Variants in STK3 observed in about 807,000 individuals in gnomAD.
The protein encoded by STK3 is serine/threonine kinase 3.
STK3 carries 41 observed loss-of-function variants against 58.0 expected under a neutral mutation model. That is an observed-to-expected ratio of 0.71 (90% confidence interval 0.55 to 0.92). The LOEUF (loss-of-function observed/expected upper bound fraction) is 0.92. Among genes scored for constraint, STK3 ranks in the 40% least tolerant of loss-of-function variants. The probability of loss-of-function intolerance (pLI) is 0.00; values close to 1 mark genes in which losing one functional copy is unlikely to be tolerated. For missense variants in STK3, 479 were observed against 602.7 expected (o/e 0.79, Z 2.15); for synonymous variants, 170 against 191.0 (o/e 0.89, Z 0.91).
chr8:98,547,530 G>T (rs976746293), intron 9 of STK3, among the ~76,000 whole-genome samples: 1 of 152,118 alleles, frequency 6.6e-6, no homozygotes, highest in African/African-American at 2.4e-5. Context: ...TCTTTCTAGT[G>T]CTTCTTATTT....
chr8:98,453,943 C>T (rs926029968), downstream of STK3, among the ~76,000 whole-genome samples: 1 of 152,184 alleles, frequency 6.6e-6, no homozygotes, highest in African/African-American at 2.4e-5. Flanking sequence ...CAACAGACTC[C>T]AGTATAGATT....
intron 1 of STK3, among the ~76,000 whole-genome samples, chr8:98,792,079 T>G (rs1166130280): frequency 6.6e-6 from 1 of 151,904 alleles, no homozygotes; most frequent in East Asian, 1.9e-4. Flanking sequence ...AGGACTAATA[T>G]CCAGAATCTA....
intron 1 of STK3, among the ~76,000 whole-genome samples, chr8:98,386,042 A>T (rs1390670983): frequency 1.3e-5 from 2 of 152,222 alleles, no homozygotes; most frequent in African/African-American, 4.8e-5. Context: ...CCATTTTTCA[A>T]GCAAAGCTCT....
At chr8:98,417,937 TCTCA>T (rs1818132499) in intron 3 of STK3, among the ~76,000 whole-genome samples, 1 of 152,214 alleles carries the variant, frequency 6.6e-6, no homozygotes, top group African/African-American at 2.4e-5. Flanking sequence ...AGAGACAGGG[TCTCA>T]CTCTGTTGCC....
intron 10 of STK3, among the ~76,000 whole-genome samples, chr8:98,484,757 A>T (rs1251171981): frequency 6.6e-6 from 1 of 152,198 alleles, no homozygotes; most frequent in East Asian, 1.9e-4. Flanking sequence ...AGAAAATATA[A>T]GATTTAAAAT....
At chr8:98,740,111 C>T (rs915955486) in intron 4 of STK3, among the ~76,000 whole-genome samples, 12 of 152,200 alleles carry the variant, frequency 7.9e-5, no homozygotes, top group African/African-American at 2.2e-4. Flanking sequence ...ACCAGATCTT[C>T]GTCTCACTGG....
intron 6 of STK3, among the ~76,000 whole-genome samples, chr8:98,614,578 G>T (rs1817501731): frequency 1.3e-5 from 2 of 152,034 alleles, no homozygotes; most frequent in Admixed American, 1.3e-4. Context: ...GTGCCAGACA[G>T]TGGGCGCAGG....
intron 10 of STK3, among the ~76,000 whole-genome samples, chr8:98,505,685 C>T (rs2131380723): frequency 6.6e-6 from 1 of 152,298 alleles, no homozygotes; most frequent in South Asian, 2.1e-4. Context: ...TGCTGGAGGA[C>T]CACTCCAGAC....
intron 10 of STK3, among the ~76,000 whole-genome samples, chr8:98,524,171 G>A (rs986755623): frequency 6.6e-6 from 1 of 152,166 alleles, no homozygotes; most frequent in Non-Finnish European, 1.5e-5. Context: ...CCATAGATGT[G>A]AAAAGTTTAC....
intron 9 of STK3, among the ~76,000 whole-genome samples, chr8:98,534,596 C>T (rs1426888078): frequency 6.6e-6 from 1 of 152,134 alleles, no homozygotes; most frequent in East Asian, 1.9e-4. Context: ...AAATCAACAA[C>T]AAAAATAGAA....
the STK3 span, among the ~76,000 whole-genome samples, chr8:98,357,836 T>TGAGACACATCCACCCCTTAA: frequency 2.6e-5 from 4 of 152,250 alleles, no homozygotes; most frequent in East Asian, 7.7e-4. Flanking sequence ...CATCAGACTT[T>TGAGACACATCCACCCCTTAA]GAGACACATC....
At chr8:98,413,794 G>C (rs1438981259) in intron 3 of STK3, 2 of 628,110 alleles carry the variant, frequency 3.2e-6, no homozygotes, top group African/African-American at 3.6e-5. Context: ...TCTTCTCCGA[G>C]GGTGGGGGCC....
At chr8:98,782,147 C>T (rs1384833394) in intron 1 of STK3, 1 of 227,402 alleles carries the variant, frequency 4.4e-6, no homozygotes, top group Non-Finnish European at 9.0e-6. Context: ...GCCATGCCAA[C>T]TCCTGTCAGC....
chr8:98,868,106 A>G (rs929482598), intron 3 of STK3, among the ~76,000 whole-genome samples: 2 of 152,182 alleles, frequency 1.3e-5, no homozygotes, highest in Admixed American at 1.3e-4. Context: ...CTGAAATACG[A>G]AAGGGAACAA....
the STK3 span, among the ~76,000 whole-genome samples, chr8:98,354,846 C>T: frequency 6.6e-6 from 1 of 152,188 alleles, no homozygotes; most frequent in African/African-American, 2.4e-5. Context: ...GGTGCAATCT[C>T]GCCTCAATGC....
chr8:98,693,102 A>C (rs1587314778), intron 6 of STK3, among the ~76,000 whole-genome samples: 1 of 152,158 alleles, frequency 6.6e-6, no homozygotes, highest in Non-Finnish European at 1.5e-5. Context: ...GATAGACAAA[A>C]AAGAAGACAC....
intron 8 of STK3, among the ~76,000 whole-genome samples, chr8:98,557,911 T>C (rs562756589): frequency 2.6e-5 from 4 of 152,116 alleles, no homozygotes; most frequent in Non-Finnish European, 4.4e-5. Flanking sequence ...ACAAGCCTAA[T>C]TGGTGAAAAG....
chr8:98,749,276 T>C lies in STK3; in HGVS notation c.351A>G (p.Thr117=). The C allele has an allele frequency of 1.9e-6, 3 of 1,587,542 alleles. No individual in the cohort carries two copies. Among genetic ancestry groups the C allele is most frequent in the Non-Finnish European group, 1.7e-6 (2 of 1,162,478 alleles). ...VSDIIRLRNK[T]LIEDEIATIL... ...AGCAAAACAATTTTAAAATACTTAC[T>C]GTCTTGTTTCGTAATCTAATTATGT... is the stretch of plus-strand genomic sequence containing the variant. The change falls in exon 4 of 11, where the codon ACA becomes ACG. Residue 117 remains threonine, a splice_region_variant and synonymous_variant. Coordinates refer to ENST00000419617, the MANE Select transcript of STK3 (RefSeq NM_006281.4).
chr8:98,842,435 G>A (rs1396034909), intron 3 of STK3, among the ~76,000 whole-genome samples: 2 of 152,188 alleles, frequency 1.3e-5, no homozygotes, highest in Non-Finnish European at 2.9e-5. Flanking sequence ...CAACACTTTG[G>A]GAGGCTGAGG....
Sources: allele counts gnomAD v4.1 joint callset (sites outside exome capture counted in the v4.1 genomes callset), GRCh38; gene constraint gnomAD v4.1.1; transcripts MANE v1.5; gene names NCBI Gene and HGNC (gene_info 2026-07-23, HGNC 2026-07-21).